Variants in CFAP54 observed in about 807,000 individuals in gnomAD.
The protein encoded by CFAP54 is cilia- and flagella-associated protein 54.
Under a neutral mutation model 370.4 loss-of-function variants are expected in CFAP54, and 290 were observed. The observed-to-expected ratio is 0.78, with a 90% confidence interval of 0.71 to 0.86. The LOEUF (loss-of-function observed/expected upper bound fraction) is 0.86, where lower values mean the gene tolerates loss of function less well. Among genes scored for constraint, CFAP54 ranks in the 40% least tolerant of loss-of-function variants. The pLI is 0.00. For synonymous variants in CFAP54, 1,206 were observed against 1,236.5 expected (o/e 0.98, Z 0.52); for missense variants, 3,399 against 3,528.7 (o/e 0.96, Z 0.93).
chr12:96,549,661 G>T (rs1040786147), intron 15 of CFAP54, among the ~76,000 whole-genome samples: 54 of 152,280 alleles, frequency 3.5e-4, no homozygotes, highest in African/African-American at 1.3e-3. Context: ...GAATTATTTT[G>T]TCTTTTTGAG....
chr12:96,701,146 A>G (rs1957487451), intron 46 of CFAP54, among the ~76,000 whole-genome samples: 1 of 152,128 alleles, frequency 6.6e-6, no homozygotes, highest in African/African-American at 2.4e-5. Context: ...ATGAGTATGT[A>G]TGTATATACA....
At chr12:96,728,212 G>C (rs1190669460) in intron 50 of CFAP54, among the ~76,000 whole-genome samples, 10 of 151,860 alleles carry the variant, frequency 6.6e-5, no homozygotes, top group African/African-American at 2.4e-4. Context: ...TCCTGAATCT[G>C]AATGTTGGCC....
At chr12:96,726,876 T>C (rs1329629163) in intron 50 of CFAP54, among the ~76,000 whole-genome samples, 4 of 151,724 alleles carry the variant, frequency 2.6e-5, no homozygotes, top group African/African-American at 9.7e-5. Flanking sequence ...GTATGTTGTG[T>C]CTTTGTTCTC....
rs112665898 is a variant in CFAP54 at position 96,539,644 on chromosome 12, T to G, written c.1926+1126T>G. ...GAGCCGAGATCACACCACTGCACTC[T>G]AGCCTGGACAACAGAGTGAAACTCT... On this transcript the variant is annotated intron_variant, in intron 13 of 67. Transcript: ENST00000524981. Among the ~76,000 whole-genome samples the G allele has an allele frequency of 6.8e-3, 1,029 of 152,014 alleles. 6 individuals carry two copies. Among genetic ancestry groups the G allele is most frequent in the Non-Finnish European group, 0.012 (795 of 67,946 alleles).
chr12:96,826,835 A>G (rs900489670), intron 65 of CFAP54, among the ~76,000 whole-genome samples: 3 of 115,904 alleles, frequency 2.6e-5, no homozygotes, highest in Non-Finnish European at 4.8e-5. Context: ...TATATAATAT[A>G]TCATATAATA....
chr12:96,700,175 G>A, intron 46 of CFAP54, 82 bp downstream of exon 46: 1 of 1,413,944 alleles, frequency 7.1e-7, no homozygotes, highest in South Asian at 1.3e-5. Flanking sequence ...TCCCACGAAA[G>A]TGTATTTACA....
intron 2 of CFAP54, among the ~76,000 whole-genome samples, chr12:96,502,955 G>GT (rs1955047114): frequency 6.6e-6 from 1 of 152,094 alleles, no homozygotes; most frequent in South Asian, 2.1e-4. Flanking sequence ...TCACTCTGCA[G>GT]TTTTTTCTTT....
rs1195924815 is a variant in CFAP54, at chr12:96,540,994, TG to T, written c.2077+8del. 1 of 1,483,420 alleles carries T rather than the reference TG, an allele frequency of 6.7e-7. No individual in the cohort carries two copies. Among genetic ancestry groups the T allele is most frequent in the Non-Finnish European group, 8.9e-7 (1 of 1,126,410 alleles). 91.9% of individuals were successfully genotyped at this position (1,483,420 alleles called of 1,614,324 possible). A position where few individuals can be genotyped will look rare whatever the true frequency, so the allele number is the denominator to read the frequency against. ...AAATTTAAACAATCTCTAGGTAAAA[TG>T]TTGGCTGAAAAATTGTATACATATA... On this transcript the variant is annotated splice_region_variant and intron_variant, in intron 14 of 67. Coordinates refer to ENST00000524981, the MANE Select transcript of CFAP54 (RefSeq NM_001306084.2).
At chr12:96,744,776 C>T (rs2193191) in intron 55 of CFAP54, among the ~76,000 whole-genome samples, 56,902 of 151,964 alleles carry the variant, frequency 0.37, 10,966 homozygotes, top group Middle Eastern at 0.41. Context: ...TAAATGTGTG[C>T]CATGATGGTT....
At chr12:96,601,357 C>T (rs1250534190) in intron 26 of CFAP54, among the ~76,000 whole-genome samples, 1 of 152,142 alleles carries the variant, frequency 6.6e-6, no homozygotes, top group African/African-American at 2.4e-5. Flanking sequence ...ATTTGGTTTG[C>T]CAGTATTTTA....
At chr12:96,795,015 G>A (rs1309748407) in intron 63 of CFAP54, among the ~76,000 whole-genome samples, 2 of 152,096 alleles carry the variant, frequency 1.3e-5, no homozygotes, top group Admixed American at 6.5e-5. Flanking sequence ...TTCTCTTCTG[G>A]GTCTAGGCAC....
intron 66 of CFAP54, among the ~76,000 whole-genome samples, chr12:96,846,121 A>C (rs749755808): frequency 1.3e-5 from 2 of 152,248 alleles, no homozygotes; most frequent in Non-Finnish European, 2.9e-5. Context: ...GGTCTTAGCA[A>C]AGTTTTAAAA....
At chr12:96,658,397 C>G (rs781667628) in intron 38 of CFAP54, 51 bp downstream of exon 38, 1 of 1,575,804 alleles carries the variant, frequency 6.3e-7, no homozygotes, top group Non-Finnish European at 8.7e-7. Flanking sequence ...TCTAATTAGT[C>G]CACATATAAA....
At chr12:96,606,410 A>G (rs1956301365) in intron 26 of CFAP54, among the ~76,000 whole-genome samples, 1 of 152,224 alleles carries the variant, frequency 6.6e-6, no homozygotes, top group Non-Finnish European at 1.5e-5. Context: ...CGTGCTTAGC[A>G]TTGTCTGTAA....
intron 66 of CFAP54, among the ~76,000 whole-genome samples, chr12:96,839,436 C>G (rs78492556): frequency 2.0e-5 from 3 of 152,078 alleles, no homozygotes; most frequent in Non-Finnish European, 2.9e-5. Context: ...AAGAACAACA[C>G]GAAGTGTAGA....
At chr12:96,691,024 A>G (rs770824987) in intron 43 of CFAP54, 104 bp from the exon 44 acceptor site, 11 of 920,444 alleles carry the variant, frequency 1.2e-5, no homozygotes, top group Non-Finnish European at 1.8e-5. Context: ...TGTGCTAGGC[A>G]TATACTAAGC....
chr12:96,720,890 G>A (rs1965032), intron 50 of CFAP54, among the ~76,000 whole-genome samples: 35,884 of 151,696 alleles, frequency 0.24, 4,430 homozygotes, highest in South Asian at 0.29. Context: ...GCTTTGTGGC[G>A]GCACATGTAA....
intron 66 of CFAP54, among the ~76,000 whole-genome samples, chr12:96,845,755 G>A (rs1959325385): frequency 1.3e-5 from 2 of 152,260 alleles, no homozygotes; most frequent in East Asian, 1.9e-4. Context: ...TGTCAGAGTC[G>A]GCTTCCCAAC....
chr12:96,566,969 A>G (rs1186522136), intron 19 of CFAP54, among the ~76,000 whole-genome samples: 1 of 152,182 alleles, frequency 6.6e-6, no homozygotes, highest in African/African-American at 2.4e-5. Flanking sequence ...ACAAGTAAAT[A>G]TATGCTTTAA....
Sources: allele counts gnomAD v4.1 joint callset (sites outside exome capture counted in the v4.1 genomes callset), GRCh38; gene constraint gnomAD v4.1.1; transcripts MANE v1.5; gene names NCBI Gene and HGNC (gene_info 2026-07-23, HGNC 2026-07-21).